The following ATXN7L1 variants were observed in gnomAD, a reference collection of about 807,000 sequenced individuals.
ATXN7L1 encodes ataxin-7-like protein 1.
A neutral mutation model predicts 70.8 loss-of-function variants in ATXN7L1; 15 were observed. The ratio of observed to expected loss-of-function variants is 0.21; its 90% CI spans 0.14 to 0.33. ATXN7L1 has a LOEUF of 0.33. Among genes scored for constraint, ATXN7L1 ranks in the 10% least tolerant of loss-of-function variants. The pLI is 1.00. For missense variants in ATXN7L1, 975 were observed against 1,097.1 expected (o/e 0.89, Z 1.57); for synonymous variants, 440 against 445.1 (o/e 0.99, Z 0.14).
At chr7:105,619,509 T>TAC (rs1794510373) in intron 9 of ATXN7L1, among the ~76,000 whole-genome samples, 1 of 14,120 alleles carries the variant, frequency 7.1e-5, no homozygotes, top group Non-Finnish European at 1.3e-4. Flanking sequence ...TATATATATA[T>TAC]ATATATATAT....
At chr7:105,776,181 T>C (rs1780964334) in intron 3 of ATXN7L1, among the ~76,000 whole-genome samples, 1 of 152,218 alleles carries the variant, frequency 6.6e-6, no homozygotes, top group Admixed American at 6.5e-5. Flanking sequence ...GAGCAGCCTG[T>C]ATGGCAAGGA....
At chr7:105,813,725 G>A (rs1256974692) in intron 2 of ATXN7L1, among the ~76,000 whole-genome samples, 2 of 152,180 alleles carry the variant, frequency 1.3e-5, no homozygotes, top group South Asian at 4.2e-4. Flanking sequence ...CTGGAAACCA[G>A]AAAATCATTT....
intron 3 of ATXN7L1, among the ~76,000 whole-genome samples, chr7:105,688,234 C>G (rs921440640): frequency 2.0e-5 from 3 of 152,104 alleles, no homozygotes; most frequent in African/African-American, 7.2e-5. Context: ...TCCTGTACTT[C>G]GCCTAATAAA....
chr7:105,778,036 T>G (rs1174318973), intron 3 of ATXN7L1, among the ~76,000 whole-genome samples: 1 of 152,234 alleles, frequency 6.6e-6, no homozygotes, highest in Non-Finnish European at 1.5e-5. Flanking sequence ...ATTTGTCTTG[T>G]TCACTAATGC....
At chr7:105,818,002 T>C (rs1809453392) in intron 2 of ATXN7L1, among the ~76,000 whole-genome samples, 1 of 152,176 alleles carries the variant, frequency 6.6e-6, no homozygotes, top group Admixed American at 6.5e-5. Context: ...TTTTGGAAAT[T>C]AGAAATTATT....
rs552819264 is a variant in ATXN7L1, at chr7:105,654,692, G to A, written c.578+10374C>T. Among the ~76,000 whole-genome samples the A allele has an allele frequency of 5.3e-5, 8 of 152,156 alleles. No individual in the cohort carries two copies. In the South Asian group the frequency reaches 1.5e-3, roughly 28 times the overall value. Reference sequence around the variant, plus strand: ...AAATCATAATGAGCTATGCAGCTATGAAGGACCATGGTTACTAATCTCTGT... The same window carrying A: ...AAATCATAATGAGCTATGCAGCTATAAAGGACCATGGTTACTAATCTCTGT... On this transcript the variant is annotated intron_variant, in intron 4 of 11. Coordinates refer to ENST00000419735, the MANE Select transcript of ATXN7L1 (RefSeq NM_020725.2).
At chr7:105,794,265 G>A (rs1805676057) in intron 2 of ATXN7L1, among the ~76,000 whole-genome samples, 1 of 152,068 alleles carries the variant, frequency 6.6e-6, no homozygotes, top group Non-Finnish European at 1.5e-5. Flanking sequence ...GTCCTCAGTG[G>A]TCATCCAAGA....
chr7:105,642,470 A>G (rs952560894), intron 5 of ATXN7L1, among the ~76,000 whole-genome samples: 1 of 152,182 alleles, frequency 6.6e-6, no homozygotes, highest in Non-Finnish European at 1.5e-5. Context: ...CCAGCTTCCC[A>G]GCAGTGAAGC....
At chr7:105,618,794 TG>T (rs1264523769) in intron 9 of ATXN7L1, among the ~76,000 whole-genome samples, 1 of 152,214 alleles carries the variant, frequency 6.6e-6, no homozygotes, top group Non-Finnish European at 1.5e-5. Context: ...GGATACCCAG[TG>T]GGCCGGCCTT....
chr7:105,731,912 G>A (rs1175899156), intron 3 of ATXN7L1, among the ~76,000 whole-genome samples: 2 of 151,586 alleles, frequency 1.3e-5, no homozygotes, highest in Admixed American at 6.6e-5. Flanking sequence ...GGCCAATATG[G>A]TGAAACTCCA....
chr7:105,839,870 A>G (rs1343011941), intron 2 of ATXN7L1, among the ~76,000 whole-genome samples: 1 of 152,240 alleles, frequency 6.6e-6, no homozygotes, highest in Non-Finnish European at 1.5e-5. Context: ...AAGAAATAAT[A>G]CAATATTATT....
At chr7:105,662,733 T>A (rs939967714) in intron 4 of ATXN7L1, among the ~76,000 whole-genome samples, 2 of 152,220 alleles carry the variant, frequency 1.3e-5, no homozygotes, top group African/African-American at 4.8e-5. Flanking sequence ...CATTTTTATC[T>A]TCACTCTGAG....
intron 2 of ATXN7L1, among the ~76,000 whole-genome samples, chr7:105,857,706 T>A (rs1815936709): frequency 6.6e-6 from 1 of 152,210 alleles, no homozygotes; most frequent in Admixed American, 6.5e-5. Flanking sequence ...TGGGATAATA[T>A]TTCTCAATGT....
chr7:105,657,049 G>C (rs938315344), intron 4 of ATXN7L1, among the ~76,000 whole-genome samples: 4 of 152,166 alleles, frequency 2.6e-5, no homozygotes, highest in Admixed American at 1.3e-4. Context: ...GCCCTAACCT[G>C]CTGTTAAATC....
At chr7:105,709,379 C>T (rs530488424) in intron 3 of ATXN7L1, among the ~76,000 whole-genome samples, 35 of 152,224 alleles carry the variant, frequency 2.3e-4, no homozygotes, top group African/African-American at 6.3e-4. Context: ...GCTTTGACTT[C>T]GTAGGGCCTT....
rs551724579 is a variant in ATXN7L1, at chr7:105,613,834, G to A, written c.2472+28C>T. 3.7e-5 allele frequency: 58 copies of A among 1,551,796 alleles called. No individual in the cohort carries two copies. In the East Asian group the frequency reaches 1.3e-3, roughly 35 times the overall value. Reference sequence around the variant, plus strand: ...CAGCTCCCCCTGCCCCCCAGAGCCGGTGAAGGCGGTGCCAGGAGGTCCCTT... The same window carrying A: ...CAGCTCCCCCTGCCCCCCAGAGCCGATGAAGGCGGTGCCAGGAGGTCCCTT... On this transcript the variant is annotated intron_variant, in intron 10 of 11. Coordinates refer to ENST00000419735, the MANE Select transcript of ATXN7L1 (RefSeq NM_020725.2).
intron 3 of ATXN7L1, among the ~76,000 whole-genome samples, chr7:105,690,483 A>C (rs995983411): frequency 1.3e-5 from 2 of 152,152 alleles, no homozygotes; most frequent in African/African-American, 4.8e-5. Flanking sequence ...GGTTGGACCC[A>C]TCTGTGTGGG....
At chr7:105,876,280 C>G in intron 1 of ATXN7L1, 98 bp downstream of exon 1, 1 of 1,382,042 alleles carries the variant, frequency 7.2e-7, no homozygotes. Flanking sequence ...ACACCGGGGG[C>G]CACTCTCTCT....
intron 2 of ATXN7L1, among the ~76,000 whole-genome samples, chr7:105,823,656 C>G (rs1465584213): frequency 1.3e-5 from 2 of 152,172 alleles, no homozygotes; most frequent in African/African-American, 4.8e-5. Flanking sequence ...TATCTTTTCT[C>G]TTGACCAAGA....
Sources: allele counts gnomAD v4.1 joint callset (sites outside exome capture counted in the v4.1 genomes callset), GRCh38; gene constraint gnomAD v4.1.1; transcripts MANE v1.5; gene names NCBI Gene and HGNC (gene_info 2026-07-23, HGNC 2026-07-21).